The following ZDHHC23 variants were observed in gnomAD, a reference collection of about 807,000 sequenced individuals.
The protein encoded by ZDHHC23 is zDHHC palmitoyltransferase 23.
In ZDHHC23, 41 loss-of-function variants were observed where a neutral mutation model predicts 40.2. The ratio of observed to expected loss-of-function variants is 1.02; its 90% CI spans 0.79 to 1.32. The LOEUF (loss-of-function observed/expected upper bound fraction) is 1.32, where lower values mean the gene tolerates loss of function less well. Among genes scored for constraint, ZDHHC23 ranks in the 40% most tolerant of loss-of-function variants. The probability of loss-of-function intolerance (pLI) is 0.00; values close to 1 mark genes in which losing one functional copy is unlikely to be tolerated. For missense variants in ZDHHC23, 471 were observed against 541.5 expected (o/e 0.87, Z 1.29); for synonymous variants, 204 against 210.2 (o/e 0.97, Z 0.26).
chr3:113,964,401 T>A, downstream of ZDHHC23: 1 of 152,208 alleles, frequency 6.6e-6, no homozygotes, highest in Admixed American at 6.5e-5. Flanking sequence ...GAATTCAAGA[T>A]AGGTATCTCA....
rs1161780430 is a variant in ZDHHC23, at chr3:113,958,542, A to G, written c.1220A>G (p.Gln407Arg). ...LLCGLIVDTG[Q>R]YNRGFLRNWH... is the part of the protein sequence containing the mutation. ...TGCGGGCTCATCGTGGACACAGGCC[A>G]GTACAATAGGGGCTTCCTGCGGAAC... Residue 407 changes from glutamine (Q) to arginine (R), a missense_variant, in exon 5 of 5, where the codon CAG becomes CGG. Transcript: ENST00000638807. 3 of 1,613,060 alleles carry G rather than the reference A, an allele frequency of 1.9e-6. No homozygotes were observed. In the African/African-American group the frequency reaches 4.0e-5, roughly 21 times the overall value.
At chr3:113,964,132 G>C (rs902476821), downstream of ZDHHC23, 1 of 152,038 alleles carries the variant, frequency 6.6e-6, no homozygotes, top group Non-Finnish European at 1.5e-5. Flanking sequence ...ACAGTAACAA[G>C]AACATTCACT....
At chr3:113,948,595 C>T in intron 1 of ZDHHC23, 91 bp from the exon 2 acceptor site, 1 of 562,872 alleles carries the variant, frequency 1.8e-6, no homozygotes, top group Non-Finnish European at 3.1e-6. Flanking sequence ...TCCAAGAACC[C>T]TGGAGCCCCC....
rs556321619 is a variant in ZDHHC23 at position 113,961,759 on chromosome 3, G to A, written c.*3129G>A. The A allele has an allele frequency of 6.5e-6, 1 of 152,682 alleles. No homozygotes were observed. Among genetic ancestry groups the A allele is most frequent in the Admixed American group, 6.5e-5 (1 of 15,302 alleles). 9.5% of individuals were successfully genotyped at this position (152,682 alleles called of 1,614,324 possible). Reference sequence around the variant, plus strand: ...GTCCTTGGTACTTCTAATATTTTTAGCAAGAGACAATTTTCTGTACTAGAA... The same window carrying A: ...GTCCTTGGTACTTCTAATATTTTTAACAAGAGACAATTTTCTGTACTAGAA... On this transcript the variant is annotated 3_prime_UTR_variant, in exon 5 of 5. Transcript: ENST00000638807.
chr3:113,953,663 A>G lies in ZDHHC23; in HGVS notation c.162-37A>G, dbSNP rs778832306. ...CTGTAGCTTTTAATTCAACAAACCC[A>G]CATGAAGTCCCTCCTCTTTGTGCTT... is the stretch of plus-strand genomic sequence containing the variant. On this transcript the variant is annotated intron_variant, in intron 2 of 4. Transcript: ENST00000638807. 3.2e-6 allele frequency: 5 copies of G among 1,559,426 alleles called. No individual in the cohort carries two copies. The South Asian group carries it at 6.0e-5, about 19-fold the overall frequency.
At position 113,958,902 on chromosome 3, in the gene ZDHHC23, T is replaced by C. The variant is rs1267271866; in HGVS notation, c.*272T>C. ...ACTTGAGAAGGATGTGGATTGCTAA[T>C]GCACAAATTGATAGAAGCAATTCCC... On this transcript the variant is annotated 3_prime_UTR_variant, in exon 5 of 5. Transcript: ENST00000638807. 6 of 1,265,238 alleles carry C rather than the reference T, an allele frequency of 4.7e-6. No individual in the cohort carries two copies. Among genetic ancestry groups the C allele is most frequent in the Non-Finnish European group, 6.1e-6 (6 of 983,342 alleles). The allele number at this position is 1,265,238 out of a possible 1,614,324, so 78.4% of individuals were successfully genotyped here.
In ZDHHC23 at chr3:113,958,606, C is replaced by T. The variant is rs745354229; in HGVS notation, c.1284C>T (p.His428=). Reference sequence around the variant, plus strand: ...CCACCCTGGGCACACGTGCATTCCACCACCCTGCCGAGGACATTGTCTGAA... The same window carrying T: ...CCACCCTGGGCACACGTGCATTCCATCACCCTGCCGAGGACATTGTCTGAA... ...QFSTLGTRAF[H]HPAEDIV Residue 428 remains histidine (H), a synonymous_variant, in exon 5 of 5, where the codon CAC becomes CAT. Transcript: ENST00000638807. 8.1e-6 allele frequency: 13 copies of T among 1,601,754 alleles called. No individual in the cohort carries two copies. The South Asian group carries it at 8.8e-5, about 11-fold the overall frequency.
rs1270623321 is a variant in ZDHHC23 at position 113,962,630 on chromosome 3, C to G, written c.*4000C>G. 2 of 151,868 alleles carry G rather than the reference C, an allele frequency of 1.3e-5. No individual in the cohort carries two copies. Among genetic ancestry groups the G allele is most frequent in the Non-Finnish European group, 2.9e-5 (2 of 68,032 alleles). 9.4% of individuals were successfully genotyped at this position (151,868 alleles called of 1,614,324 possible). A position where few individuals can be genotyped will look rare whatever the true frequency, so the allele number is the denominator to read the frequency against. On this transcript the variant is annotated 3_prime_UTR_variant, in exon 5 of 5. Transcript: ENST00000638807. Reference sequence around the variant, plus strand: ...CTCAACTCATTGTGATCCTAATGGTCTGGGTGATTGGATGGTTTGAGTTGT... The same window carrying G: ...CTCAACTCATTGTGATCCTAATGGTGTGGGTGATTGGATGGTTTGAGTTGT...
chr3:113,955,693 T>A (rs1939157789), intron 3 of ZDHHC23, among the ~76,000 whole-genome samples: 1 of 152,192 alleles, frequency 6.6e-6, no homozygotes, highest in African/African-American at 2.4e-5. Context: ...TTTTCATAAT[T>A]CTATTTATCT....
rs995936263 is a variant in ZDHHC23, at chr3:113,962,777, G to A, written c.*4147G>A. 1 of 152,122 alleles carries A rather than the reference G, an allele frequency of 6.6e-6. No homozygotes were observed. 9.4% of individuals were successfully genotyped at this position (152,122 alleles called of 1,614,324 possible). ...AATGTAACTGGTCTAGCAACATTAAGGGGGATTTCTGAAGCCAACTCCGGA... is the reference window on the plus strand; with the variant it reads ...AATGTAACTGGTCTAGCAACATTAAAGGGGATTTCTGAAGCCAACTCCGGA... On this transcript the variant is annotated 3_prime_UTR_variant, in exon 5 of 5. Coordinates refer to ENST00000638807, the MANE Select transcript of ZDHHC23 (RefSeq NM_001320466.2).
rs1938257869 is a variant in ZDHHC23, at chr3:113,948,115, G to C, written c.-193G>C. The stretch of plus-strand genomic sequence containing the variant: ...CCGCGTAGCAGAGATCGGGAGACGC[G>C]TCTGTGCCTCCGGGGAAGCCGACCC... On this transcript the variant is annotated 5_prime_UTR_variant, in exon 1 of 5. Coordinates refer to ENST00000638807, the MANE Select transcript of ZDHHC23 (RefSeq NM_001320466.2). 1 of 152,126 alleles carries C rather than the reference G, an allele frequency of 6.6e-6. No homozygotes were observed. The highest frequency in any genetic ancestry group is 1.5e-5 in the Non-Finnish European group (1 of 68,070). The allele number at this position is 152,126 out of a possible 1,614,324, so 9.4% of individuals were successfully genotyped here. A position where few individuals can be genotyped will look rare whatever the true frequency, so the allele number is the denominator to read the frequency against.
chr3:113,960,017 G>C lies in ZDHHC23; in HGVS notation c.*1387G>C, dbSNP rs1378688853. The C allele has an allele frequency of 1.0e-6, 1 of 992,034 alleles. No individual in the cohort carries two copies. Among genetic ancestry groups the C allele is most frequent in the East Asian group, 1.1e-4 (1 of 9,318 alleles). 61.5% of individuals were successfully genotyped at this position (992,034 alleles called of 1,614,324 possible). A position where few individuals can be genotyped will look rare whatever the true frequency, so the allele number is the denominator to read the frequency against. ...AATACCCTTTTGAAATGTTAGTTTT[G>C]AACATGTACTGTTGTGCAATCCCAA... On this transcript the variant is annotated 3_prime_UTR_variant, in exon 5 of 5. Transcript: ENST00000638807.
the ZDHHC23 span, among the ~76,000 whole-genome samples, chr3:113,973,661 C>T: frequency 6.6e-6 from 1 of 151,210 alleles, no homozygotes; most frequent in African/African-American, 2.4e-5. Context: ...CTGGCCTATA[C>T]CGTTTCTGCT....
At chr3:113,972,253 C>T in the ZDHHC23 span, among the ~76,000 whole-genome samples, 1 of 151,994 alleles carries the variant, frequency 6.6e-6, no homozygotes, top group Non-Finnish European at 1.5e-5. Context: ...TTTACTATAA[C>T]CTATAGATTT....
rs189313783 is a variant in ZDHHC23 at position 113,949,005 on chromosome 3, C to T, written c.161+42C>T. On this transcript the variant is annotated intron_variant, in intron 2 of 4. Coordinates refer to ENST00000638807, the MANE Select transcript of ZDHHC23 (RefSeq NM_001320466.2). ...TCTTGACGCTGGCCCCATCACCCTT[C>T]TGAGAACTGCCATGTGTACTTTCAA... 2.6e-4 allele frequency: 413 copies of T among 1,610,598 alleles called. 2 individuals carry two copies. In the East Asian group the frequency reaches 7.2e-3, roughly 28 times the overall value.
chr3:113,972,015 AGTT>A, the ZDHHC23 span, among the ~76,000 whole-genome samples: 3 of 152,022 alleles, frequency 2.0e-5, no homozygotes, highest in Non-Finnish European at 2.9e-5. Flanking sequence ...TTGATGTCTC[AGTT>A]GTTATGTCTC....
At chr3:113,966,490 C>A (rs1045434287), downstream of ZDHHC23, among the ~76,000 whole-genome samples, 1 of 152,254 alleles carries the variant, frequency 6.6e-6, no homozygotes, top group Admixed American at 6.5e-5. Flanking sequence ...TGGTGAGGAG[C>A]AGACCTTTTT....
chr3:113,954,995 C>T (rs147268799), intron 3 of ZDHHC23, among the ~76,000 whole-genome samples: 200 of 152,200 alleles, frequency 1.3e-3, no homozygotes, highest in African/African-American at 4.3e-3. Context: ...CATAAGGCTC[C>T]GTAAAATATG....
intron 3 of ZDHHC23, among the ~76,000 whole-genome samples, chr3:113,954,638 T>A (rs181640521): frequency 2.7e-5 from 4 of 145,910 alleles, no homozygotes; most frequent in African/African-American, 5.3e-5. Context: ...ACTTGTGGGG[T>A]TTTTTTTTTC....
Sources: allele counts gnomAD v4.1 joint callset (sites outside exome capture counted in the v4.1 genomes callset), GRCh38; gene constraint gnomAD v4.1.1; transcripts MANE v1.5; gene names NCBI Gene and HGNC (gene_info 2026-07-23, HGNC 2026-07-21).